PPP2R2B: variants seen among roughly 807,000 people sequenced by gnomAD.
The protein encoded by PPP2R2B is protein phosphatase 2 regulatory subunit Bbeta, also known as serine/threonine-protein phosphatase 2A 55 kDa regulatory subunit B beta isoform.
Under a neutral mutation model 46.0 loss-of-function variants are expected in PPP2R2B, and 5 were observed. That is an observed-to-expected ratio of 0.11 (90% CI 0.06 to 0.23). The LOEUF is 0.23. PPP2R2B is among the 10% of genes least tolerant of loss of function. The probability of loss-of-function intolerance (pLI) is 1.00; values close to 1 mark genes in which losing one functional copy is unlikely to be tolerated. For synonymous variants in PPP2R2B, 215 were observed against 206.7 expected (o/e 1.04, Z -0.34); for missense variants, 367 against 575.0 (o/e 0.64, Z 3.70).
Position 147,035,244 on chromosome 5 carries a change from A to G in PPP2R2B, c.79+20421T>C, listed in dbSNP as rs934985077. 3 of 411,426 alleles carry G rather than the reference A, an allele frequency of 7.3e-6. No homozygotes were observed. The East Asian group carries it at 2.3e-4, about 32-fold the overall frequency. 25.5% of individuals were successfully genotyped at this position (411,426 alleles called of 1,614,324 possible). ...GCGAAGGGGAAGCAAGGCACATCTTACATGGTAGCAGGAGAGAAAGAGAGA... is the reference window on the plus strand; with the variant it reads ...GCGAAGGGGAAGCAAGGCACATCTTGCATGGTAGCAGGAGAGAAAGAGAGA... On this transcript the variant is annotated intron_variant, in intron 1 of 8. Coordinates refer to the PPP2R2B transcript ENST00000336640.
At position 146,878,322 on chromosome 5, in the gene PPP2R2B, A is replaced by AGTTCCC; in HGVS notation, c.-124-133_-124-128dup. On this transcript the variant is annotated intron_variant, in intron 1 of 9. Coordinates refer to ENST00000394411, the MANE Select transcript of PPP2R2B (RefSeq NM_181675.4). The surrounding 1 kb of genome is among the most constrained non-coding windows in gnomAD (Gnocchi z 4.5). ...CGCGCGGTGCGCTCACTCCAGCTCC[A>AGTTCCC]GTTCCCAGCGAGGATGCTGCGCCTG... 1 of 1,439,320 alleles carries AGTTCCC rather than the reference A, an allele frequency of 6.9e-7. No individual in the cohort carries two copies. Among genetic ancestry groups the AGTTCCC allele is most frequent in the Admixed American group, 2.8e-5 (1 of 35,540 alleles). 89.2% of individuals were successfully genotyped at this position (1,439,320 alleles called of 1,614,324 possible). A position where few individuals can be genotyped will look rare whatever the true frequency, so the allele number is the denominator to read the frequency against.
chr5:146,631,152 C>T (rs76276414), intron 7 of PPP2R2B, among the ~76,000 whole-genome samples: 3,174 of 152,320 alleles, frequency 0.021, 50 homozygotes, highest in Admixed American at 0.064. Flanking sequence ...ATCCCAGTAC[C>T]TATGACAGGG....
chr5:147,027,363 G>A (rs979951268), intron 1 of PPP2R2B, among the ~76,000 whole-genome samples: 21 of 152,136 alleles, frequency 1.4e-4, no homozygotes, highest in African/African-American at 4.1e-4. Flanking sequence ...GGCCGGGCGC[G>A]GTGGTTCACA....
At chr5:146,998,913 A>G (rs530086957) in intron 1 of PPP2R2B, among the ~76,000 whole-genome samples, 1 of 148,552 alleles carries the variant, frequency 6.7e-6, no homozygotes, top group Non-Finnish European at 1.5e-5. Flanking sequence ...AGGTAACAGG[A>G]GTAGAAAGTG....
Position 147,002,974 on chromosome 5 carries a change from A to T in PPP2R2B, c.79+52691T>A, listed in dbSNP as rs560428896. On this transcript the variant is annotated intron_variant, in intron 1 of 8. Coordinates refer to the PPP2R2B transcript ENST00000336640. ...ACAAACCCTGAAAAAGAGGCAGCTC[A>T]TTTTTTTCTGCACTATGGCCTGGCC... Among the ~76,000 whole-genome samples, 18 of 152,028 alleles carry T rather than the reference A, an allele frequency of 1.2e-4. No individual in the cohort carries two copies. The East Asian group carries it at 3.5e-3, about 30-fold the overall frequency.
intron 1 of PPP2R2B, among the ~76,000 whole-genome samples, chr5:147,008,271 C>T (rs370904981): frequency 2.0e-5 from 3 of 152,068 alleles, no homozygotes; most frequent in South Asian, 4.2e-4. Context: ...TTGTCAGGCT[C>T]TAGTTTCTTT....
chr5:146,933,418 A>G (rs1764031074), intron 1 of PPP2R2B, among the ~76,000 whole-genome samples: 1 of 152,190 alleles, frequency 6.6e-6, no homozygotes. Flanking sequence ...GATTTTGAAA[A>G]TGATTATTAG....
chr5:146,754,882 T>C (rs532724244), intron 2 of PPP2R2B, among the ~76,000 whole-genome samples: 1 of 152,260 alleles, frequency 6.6e-6, no homozygotes, highest in Admixed American at 6.5e-5. Flanking sequence ...CAAATGACTG[T>C]AGTCCTGGCT....
At chr5:146,889,539 T>TAATGGCAGGGGGGTAATGCATGAGGTC (rs1762428456) in intron 1 of PPP2R2B, among the ~76,000 whole-genome samples, 2 of 152,294 alleles carry the variant, frequency 1.3e-5, no homozygotes, top group South Asian at 4.2e-4. Context: ...GGCAGGAGGT[T>TAATGGCAGGGGGGTAATGCATGAGGTC]AATGGCAGGG....
chr5:146,934,761 C>CT lies in PPP2R2B; in HGVS notation c.79+120903dup, dbSNP rs35055298. Among the ~76,000 whole-genome samples the CT allele has an allele frequency of 8.3e-3, 1,199 of 144,824 alleles. 18 individuals carry two copies. Among genetic ancestry groups the CT allele is most frequent in the African/African-American group, 0.026 (1,041 of 39,754 alleles). On this transcript the variant is annotated intron_variant, in intron 1 of 8. Transcript: ENST00000336640. ...TGAAAGAGAAATCAGAGACCAAACT[C>CT]TTTTTTTTTTTGATTGAAAGGTGTT...
intron 1 of PPP2R2B, among the ~76,000 whole-genome samples, chr5:146,935,959 C>A (rs974732590): frequency 6.6e-6 from 1 of 152,086 alleles, no homozygotes; most frequent in Non-Finnish European, 1.5e-5. Context: ...GGGGAATATA[C>A]CTACTTCCTA....
intron 1 of PPP2R2B, among the ~76,000 whole-genome samples, chr5:146,923,807 C>T (rs771507211): frequency 6.6e-6 from 1 of 152,162 alleles, no homozygotes; most frequent in Non-Finnish European, 1.5e-5. Context: ...ATAGCAAACA[C>T]ATGAAATCCA....
At chr5:146,910,354 A>C (rs1360119741) in intron 1 of PPP2R2B, among the ~76,000 whole-genome samples, 1 of 152,250 alleles carries the variant, frequency 6.6e-6, no homozygotes, top group African/African-American at 2.4e-5. Context: ...TACTTAACTC[A>C]GATTTGAGAC....
intron 1 of PPP2R2B, among the ~76,000 whole-genome samples, chr5:147,029,541 A>T (rs535515056): frequency 6.6e-6 from 1 of 152,282 alleles, no homozygotes; most frequent in African/African-American, 2.4e-5. Context: ...GCTTTATAAG[A>T]TATCTTAATA....
At chr5:146,981,803 G>A (rs915355737) in intron 1 of PPP2R2B, among the ~76,000 whole-genome samples, 2 of 152,058 alleles carry the variant, frequency 1.3e-5, no homozygotes, top group Non-Finnish European at 2.9e-5. Context: ...CTATAATTTT[G>A]TCTTTGCAAG....
intron 3 of PPP2R2B, among the ~76,000 whole-genome samples, chr5:146,700,231 A>T (rs1422108203): frequency 2.0e-5 from 3 of 152,092 alleles, no homozygotes; most frequent in Non-Finnish European, 2.9e-5. Context: ...TGCCCGGTGA[A>T]TCTCAGAGGC....
chr5:146,946,905 G>A (rs575708269), intron 1 of PPP2R2B, among the ~76,000 whole-genome samples: 1 of 152,090 alleles, frequency 6.6e-6, no homozygotes, highest in South Asian at 2.1e-4. Context: ...CGTTTAGACA[G>A]CTTTAAAAAA....
chr5:146,914,870 T>C (rs908647398), intron 1 of PPP2R2B, among the ~76,000 whole-genome samples: 97 of 152,156 alleles, frequency 6.4e-4, no homozygotes, highest in African/African-American at 2.3e-3. Context: ...CTTAAAGTCT[T>C]TCTCTAGCTC....
intron 2 of PPP2R2B, among the ~76,000 whole-genome samples, chr5:146,855,049 A>T (rs768026459): frequency 1.3e-4 from 20 of 152,212 alleles, no homozygotes; most frequent in Middle Eastern, 3.4e-3. Context: ...AGGGAAATCC[A>T]CTCAAAGCTA....
Sources: allele counts gnomAD v4.1 joint callset (sites outside exome capture counted in the v4.1 genomes callset), GRCh38; gene constraint gnomAD v4.1.1; non-coding constraint Gnocchi (gnomAD v3.1); transcripts MANE v1.5; gene names NCBI Gene and HGNC (gene_info 2026-07-23, HGNC 2026-07-21).